VAMP7: variants seen among roughly 807,000 people sequenced by gnomAD.
VAMP7 encodes the protein vesicle-associated membrane protein 7.
A neutral mutation model predicts 29.6 loss-of-function variants in VAMP7; 14 were observed. The ratio of observed to expected loss-of-function variants is 0.47; its 90% CI spans 0.31 to 0.74. VAMP7 has a LOEUF of 0.74. Ranked by LOEUF, VAMP7 falls within the 30% of genes least tolerant of loss-of-function variation. The probability of loss-of-function intolerance (pLI) is 0.05; values close to 1 mark genes in which losing one functional copy is unlikely to be tolerated. For synonymous variants in VAMP7, 95 were observed against 88.1 expected (o/e 1.08, Z -0.44); for missense variants, 223 against 262.4 (o/e 0.85, Z 1.04).
At chrX:155,919,354 AT>A (rs1448564024) in intron 5 of VAMP7, among the ~76,000 whole-genome samples, 3 of 151,948 alleles carry the variant, frequency 2.0e-5, no homozygotes, top group Non-Finnish European at 2.9e-5. Flanking sequence ...GGATTTATCC[AT>A]TTCTTCTGGG....
chrX:155,906,047 T>TG (rs58693646), intron 5 of VAMP7, among the ~76,000 whole-genome samples: 3 of 151,246 alleles, frequency 2.0e-5, no homozygotes, highest in Non-Finnish European at 4.4e-5. Flanking sequence ...CATTTAGGTT[T>TG]CTTTAATTTT....
At chrX:155,899,516 C>CT (rs1416811109) in intron 4 of VAMP7, among the ~76,000 whole-genome samples, 150 of 148,982 alleles carry the variant, frequency 1.0e-3, no homozygotes, top group Middle Eastern at 3.4e-3. Flanking sequence ...TTTTAATACT[C>CT]TGAGTATTAC....
rs192776750 is a variant in VAMP7, at chrX:155,942,265, C to T, written c.*314C>T. On this transcript the variant is annotated 3_prime_UTR_variant, in exon 8 of 8. Transcript: ENST00000286448. ...GTTTTTAATTGCTCAAAGCTGTCGC[C>T]GCTAGTCTTATGAGCTATCTACTAA... is the stretch of plus-strand genomic sequence containing the variant. 128 of 1,237,078 alleles carry T rather than the reference C, an allele frequency of 1.0e-4. No homozygotes were observed. Among genetic ancestry groups the T allele is most frequent in the African/African-American group, 8.7e-4 (57 of 65,538 alleles). The allele number at this position is 1,237,078 out of a possible 1,614,324, so 76.6% of individuals were successfully genotyped here. A position where few individuals can be genotyped will look rare whatever the true frequency, so the allele number is the denominator to read the frequency against.
intron 7 of VAMP7, among the ~76,000 whole-genome samples, chrX:155,941,147 CAAAAATA>C (rs747397166): frequency 0.028 from 4,202 of 151,710 alleles, 188 homozygotes; most frequent in African/African-American, 0.096. Flanking sequence ...CCTATCTCTA[CAAAAATA>C]AAAAATAAAA....
intron 6 of VAMP7, among the ~76,000 whole-genome samples, chrX:155,931,102 G>A (rs1280383606): frequency 6.6e-6 from 1 of 152,114 alleles, no homozygotes; most frequent in Non-Finnish European, 1.5e-5. Flanking sequence ...TCTGAATCCA[G>A]TCTATCATTG....
intron 2 of VAMP7, among the ~76,000 whole-genome samples, chrX:155,890,883 T>C (rs1048194067): frequency 7.4e-4 from 112 of 152,330 alleles, no homozygotes; most frequent in African/African-American, 2.4e-3. Flanking sequence ...AGGTGTACTC[T>C]AAGCTACTAT....
intron 5 of VAMP7, among the ~76,000 whole-genome samples, chrX:155,908,115 TG>T (rs1444382103): frequency 6.6e-6 from 1 of 151,604 alleles, no homozygotes; most frequent in Non-Finnish European, 1.5e-5. Context: ...TCCCAGACGA[TG>T]GGTGCCCAGG....
chrX:155,890,246 G>T (rs1269227498), intron 2 of VAMP7, among the ~76,000 whole-genome samples: 2 of 152,270 alleles, frequency 1.3e-5, no homozygotes, highest in Admixed American at 1.3e-4. Flanking sequence ...TAGAAGAAAA[G>T]TCATGTAGGG....
At chrX:155,930,759 G>A (rs1212835941) in intron 6 of VAMP7, among the ~76,000 whole-genome samples, 2 of 150,398 alleles carry the variant, frequency 1.3e-5, no homozygotes, top group African/African-American at 4.9e-5. Context: ...TGTGCACAAC[G>A]TGCAGGTTTG....
intron 1 of VAMP7, among the ~76,000 whole-genome samples, chrX:155,885,014 A>G (rs911907072): frequency 6.6e-6 from 1 of 152,232 alleles, no homozygotes; most frequent in African/African-American, 2.4e-5. Context: ...AAATAATGCT[A>G]TCCATGACAT....
At chrX:155,928,527 C>G (rs2066503067) in intron 6 of VAMP7, among the ~76,000 whole-genome samples, 1 of 152,122 alleles carries the variant, frequency 6.6e-6, no homozygotes, top group South Asian at 2.1e-4. Flanking sequence ...GTAGTCTCTG[C>G]CTCCATGTTC....
At chrX:155,901,981 A>G (rs1324275951) in intron 5 of VAMP7, among the ~76,000 whole-genome samples, 2 of 152,010 alleles carry the variant, frequency 1.3e-5, no homozygotes, top group Admixed American at 1.3e-4. Context: ...CATTTTCATG[A>G]TATTGATTCT....
chrX:155,887,937 C>CAAAAAAAAAAA (rs771113450), intron 1 of VAMP7, among the ~76,000 whole-genome samples: 1 of 98,664 alleles, frequency 1.0e-5, no homozygotes. Context: ...GACCCTGTCT[C>CAAAAAAAAAAA]AAAAAAAAAA....
intron 2 of VAMP7, among the ~76,000 whole-genome samples, chrX:155,893,037 G>T (rs981882418): frequency 5.3e-5 from 8 of 152,084 alleles, no homozygotes; most frequent in African/African-American, 1.7e-4. Flanking sequence ...ACAGGCATGA[G>T]CCACCGTGCC....
chrX:155,931,570 T>C (rs1290473596), intron 6 of VAMP7, among the ~76,000 whole-genome samples: 1 of 152,224 alleles, frequency 6.6e-6, no homozygotes. Flanking sequence ...TTGTTTCTTT[T>C]CTTATAAATT....
Position 155,888,274 on chromosome X carries a change from C to T in VAMP7, c.-9-1184C>T, listed in dbSNP as rs143885482. Among the ~76,000 whole-genome samples the T allele has an allele frequency of 6.8e-3, 1,033 of 152,258 alleles. 4 individuals are homozygous for T. The highest frequency in any genetic ancestry group is 0.014 in the Middle Eastern group (4 of 294). Reference sequence around the variant, plus strand: ...GTTTATAGTTTGCTGTTGTGTTTCACAAAGTATGTTTGTGTGAATCACCTG... The same window carrying T: ...GTTTATAGTTTGCTGTTGTGTTTCATAAAGTATGTTTGTGTGAATCACCTG... On this transcript the variant is annotated intron_variant, in intron 1 of 7. Transcript: ENST00000286448.
At chrX:155,934,935 G>A (rs985221963) in intron 6 of VAMP7, among the ~76,000 whole-genome samples, 2 of 152,070 alleles carry the variant, frequency 1.3e-5, no homozygotes, top group African/African-American at 2.4e-5. Context: ...GTCTGTAAAG[G>A]ATTTTATTTT....
chrX:155,922,189 C>T (rs1258602267), intron 6 of VAMP7, among the ~76,000 whole-genome samples: 1 of 151,854 alleles, frequency 6.6e-6, no homozygotes, highest in East Asian at 1.9e-4. Flanking sequence ...TTTACCAGTT[C>T]TGGTTACTGT....
chrX:155,908,378 G>A (rs981090803), intron 5 of VAMP7, among the ~76,000 whole-genome samples: 9 of 152,184 alleles, frequency 5.9e-5, no homozygotes, highest in Non-Finnish European at 1.2e-4. Context: ...CCAACACAGC[G>A]AAACCCCGTC....
Sources: allele counts gnomAD v4.1 joint callset (sites outside exome capture counted in the v4.1 genomes callset), GRCh38; gene constraint gnomAD v4.1.1; transcripts MANE v1.5; gene names NCBI Gene and HGNC (gene_info 2026-07-23, HGNC 2026-07-21).